Variants in ZNF655 observed in about 807,000 individuals in gnomAD.
The protein encoded by ZNF655 is Vav-interacting Kruppel-like protein 1.
ZNF655 carries 3 observed loss-of-function variants against 6.6 expected under a neutral mutation model. That is an observed-to-expected ratio of 0.46 (90% CI 0.21 to 1.18). The LOEUF is 1.18. Among genes scored for constraint, ZNF655 ranks in the 50% most tolerant of loss-of-function variants. The pLI is 0.24. For synonymous variants in ZNF655, 178 were observed against 195.0 expected, an observed-to-expected ratio of 0.91 and a Z score of 0.73; for missense variants, 526 against 572.3, an observed-to-expected ratio of 0.92 and a Z score of 0.83.
At chr7:99,569,412 G>A (rs996531640) in intron 2 of ZNF655, among the ~76,000 whole-genome samples, 1 of 152,074 alleles carries the variant, frequency 6.6e-6, no homozygotes, top group Non-Finnish European at 1.5e-5. Flanking sequence ...GATGGATTTT[G>A]TTCACAGTCA....
intron 2 of ZNF655, 123 bp from the exon 3 acceptor site, chr7:99,572,122 A>G (rs1804130631): frequency 1.8e-6 from 2 of 1,084,774 alleles, no homozygotes; most frequent in South Asian, 1.9e-5. Context: ...CCTGTTTTTC[A>G]GAGTAAATAA....
chr7:99,568,066 CAA>C (rs769076500), intron 2 of ZNF655, among the ~76,000 whole-genome samples: 35 of 56,024 alleles, frequency 6.2e-4, no homozygotes, highest in Middle Eastern at 0.011. Flanking sequence ...ACCCCCCGGC[CAA>C]AAAAAAAAAA....
At chr7:99,563,452 G>A (rs868475655) in intron 2 of ZNF655, among the ~76,000 whole-genome samples, 26 of 152,224 alleles carry the variant, frequency 1.7e-4, no homozygotes, top group Admixed American at 1.2e-3. Context: ...CCAAGTAGCT[G>A]GGATTACAGG....
At chr7:99,563,069 G>A (rs1803329938) in intron 2 of ZNF655, 1 of 324,244 alleles carries the variant, frequency 3.1e-6, no homozygotes, top group African/African-American at 2.2e-5. Flanking sequence ...ATTTCAGTGA[G>A]TCACCCAGAA....
chr7:99,575,615 G>A lies in ZNF655; in HGVS notation c.*2031G>A, dbSNP rs1804354460. 1 of 152,008 alleles carries A rather than the reference G, an allele frequency of 6.6e-6. No individual in the cohort carries two copies. Among genetic ancestry groups the A allele is most frequent in the Admixed American group, 6.6e-5 (1 of 15,260 alleles). 9.4% of individuals were successfully genotyped at this position (152,008 alleles called of 1,614,324 possible). A position where few individuals can be genotyped will look rare whatever the true frequency, so the allele number is the denominator to read the frequency against. ...CAAATCAGCATCATAAGGGAATGTAGCCTTCCAACAGAGATGATGCTGTTC... is the reference window on the plus strand; with the variant it reads ...CAAATCAGCATCATAAGGGAATGTAACCTTCCAACAGAGATGATGCTGTTC... On this transcript the variant is annotated 3_prime_UTR_variant, in exon 3 of 3. Coordinates refer to ENST00000252713, the MANE Select transcript of ZNF655 (RefSeq NM_138494.3).
chr7:99,573,204 G>A lies in ZNF655; in HGVS notation c.1096G>A (p.Ala366Thr). 6.2e-7 allele frequency: 1 copy of A among 1,614,040 alleles called. No individual in the cohort carries two copies. The highest frequency in any genetic ancestry group is 2.2e-5 in the East Asian group (1 of 44,870). ...KAYEYDEYGL[A>T]YIKQQGIHFR... ...CTATGAGTATGATGAATATGGGTTG[G>A]CCTATATTAAACAACAAGGAATTCA... The change falls in exon 3 of 3, where the codon GCC becomes ACC. Residue 366 changes from alanine to threonine, a missense_variant. By Grantham distance (58) the Ala-to-Thr change is moderately conservative (BLOSUM62 0). Coordinates refer to ENST00000252713, the MANE Select transcript of ZNF655 (RefSeq NM_138494.3).
At chr7:99,571,271 A>G (rs1435692727) in intron 2 of ZNF655, 4 of 1,289,406 alleles carry the variant, frequency 3.1e-6, no homozygotes, top group African/African-American at 3.0e-5. Flanking sequence ...TTAGCTAACC[A>G]TGCAGCAGGT....
At chr7:99,563,492 A>G (rs1803370261) in intron 2 of ZNF655, among the ~76,000 whole-genome samples, 3 of 151,712 alleles carry the variant, frequency 2.0e-5, no homozygotes, top group Admixed American at 2.0e-4. Flanking sequence ...CTAATTTTGT[A>G]TTTTTAGTAG....
chr7:99,565,985 T>C (rs1001783177), intron 2 of ZNF655, among the ~76,000 whole-genome samples: 3 of 145,216 alleles, frequency 2.1e-5, no homozygotes, highest in Non-Finnish European at 3.0e-5. Context: ...CACACACACA[T>C]ATGTATATAC....
chr7:99,572,571 A>C lies in ZNF655; in HGVS notation c.463A>C (p.Asn155His), dbSNP rs1393141449. Residue 155 changes from asparagine to histidine, a missense_variant, in exon 3 of 3, where the codon AAT becomes CAT. Coordinates refer to ENST00000252713, the MANE Select transcript of ZNF655 (RefSeq NM_138494.3). ...DADQRVLRIQ[N>H]TDDNDKYDMS... The stretch of plus-strand genomic sequence containing the variant: ...AGATCAGAGAGTTCTTAGAATACAG[A>C]ATACCGATGACAATGATAAGTATGA... The C allele has an allele frequency of 2.2e-5, 36 of 1,613,936 alleles. No homozygotes were observed. The highest frequency in any genetic ancestry group is 3.1e-5 in the Non-Finnish European group (36 of 1,179,952).
chr7:99,564,413 A>G, intron 2 of ZNF655: 3 of 1,029,970 alleles, frequency 2.9e-6, no homozygotes, highest in Non-Finnish European at 3.5e-6. Context: ...CATGTTTAAC[A>G]TTCTGGTTTC....
At position 99,562,899 on chromosome 7, in the gene ZNF655, G is replaced by A. The variant is rs116555422; in HGVS notation, c.136+2204G>A. Among the ~76,000 whole-genome samples, 629 of 152,162 alleles carry A rather than the reference G, an allele frequency of 4.1e-3. 5 individuals are homozygous for A. The highest frequency in any genetic ancestry group is 0.015 in the African/African-American group (610 of 41,494). On this transcript the variant is annotated intron_variant, in intron 2 of 2. Coordinates refer to ENST00000252713, the MANE Select transcript of ZNF655 (RefSeq NM_138494.3). ...AGTGTCCCTGTATTAGAGAATTGAAGAATTTCCCATTTTTCTAGGAAAAAG... is the reference window on the plus strand; with the variant it reads ...AGTGTCCCTGTATTAGAGAATTGAAAAATTTCCCATTTTTCTAGGAAAAAG...
chr7:99,575,815 G>A lies in ZNF655; in HGVS notation c.*2231G>A, dbSNP rs949134316. 7.9e-5 allele frequency: 12 copies of A among 152,084 alleles called. No individual in the cohort carries two copies. The highest frequency in any genetic ancestry group is 1.3e-4 in the Non-Finnish European group (9 of 68,010). 9.4% of individuals were successfully genotyped at this position (152,084 alleles called of 1,614,324 possible). ...GTTGTTTATCCATTACCACATTTTT[G>A]TATTTTAATAGTCTACAGGCTATAT... is the stretch of plus-strand genomic sequence containing the variant. On this transcript the variant is annotated 3_prime_UTR_variant, in exon 3 of 3. Coordinates refer to ENST00000252713, the MANE Select transcript of ZNF655 (RefSeq NM_138494.3).
At chr7:99,566,014 CATTT>C (rs1803598843) in intron 2 of ZNF655, among the ~76,000 whole-genome samples, 1 of 141,482 alleles carries the variant, frequency 7.1e-6, no homozygotes, top group Non-Finnish European at 1.5e-5. Flanking sequence ...AGACATAGGA[CATTT>C]ATATGTGTGT....
intron 2 of ZNF655, among the ~76,000 whole-genome samples, chr7:99,565,964 A>G (rs1056987748): frequency 3.3e-5 from 4 of 120,608 alleles, no homozygotes; most frequent in Non-Finnish European, 6.0e-5. Context: ...ATATATATGT[A>G]TGTATACACA....
chr7:99,570,016 C>T (rs1462440889), intron 2 of ZNF655, among the ~76,000 whole-genome samples: 5 of 152,084 alleles, frequency 3.3e-5, no homozygotes, highest in East Asian at 1.9e-4. Context: ...TATGCCTTTG[C>T]GTACTCATCT....
intron 2 of ZNF655, chr7:99,562,494 G>C (rs201274392): frequency 8.7e-6 from 14 of 1,608,306 alleles, no homozygotes; most frequent in Middle Eastern, 1.7e-4. Flanking sequence ...GGTCTCACTG[G>C]GTAAGGACTT....
At position 99,573,831 on chromosome 7, in the gene ZNF655, G is replaced by T. The variant is rs1804253760; in HGVS notation, c.*247G>T. ...TATACCAGTGAGAAATCTTACAAAT[G>T]TATTGAATGTGGCAAATTTTTCATG... On this transcript the variant is annotated 3_prime_UTR_variant, in exon 3 of 3. Coordinates refer to ENST00000252713, the MANE Select transcript of ZNF655 (RefSeq NM_138494.3). 1 of 456,142 alleles carries T rather than the reference G, an allele frequency of 2.2e-6. No homozygotes were observed. The highest frequency in any genetic ancestry group is 3.8e-6 in the Non-Finnish European group (1 of 264,084). 28.3% of individuals were successfully genotyped at this position (456,142 alleles called of 1,614,324 possible). A position where few individuals can be genotyped will look rare whatever the true frequency, so the allele number is the denominator to read the frequency against.
intron 2 of ZNF655, chr7:99,563,995 C>T (rs1390509330): frequency 1.9e-6 from 3 of 1,613,764 alleles, no homozygotes; most frequent in South Asian, 2.2e-5. Context: ...AAGAGATGGC[C>T]CAAGTATCGG....
Sources: allele counts gnomAD v4.1 joint callset (sites outside exome capture counted in the v4.1 genomes callset), GRCh38; gene constraint gnomAD v4.1.1; transcripts MANE v1.5; gene names NCBI Gene and HGNC (gene_info 2026-07-23, HGNC 2026-07-21).